COX7B2: variants seen among roughly 807,000 people sequenced by gnomAD.
COX7B2 encodes the protein cytochrome c oxidase subunit 7B2.
For missense variants in COX7B2, 109 were observed against 95.9 expected (o/e 1.14, Z -0.57); for synonymous variants, 37 against 32.1 (o/e 1.15, Z -0.51).
At chr4:46,754,201 T>A (rs61400121) in intron 2 of COX7B2, among the ~76,000 whole-genome samples, 47,959 of 151,650 alleles carry the variant, frequency 0.32, 7,910 homozygotes, top group South Asian at 0.47. Context: ...GACCCAGCCA[T>A]CCCATTACTA....
chr4:46,765,115 T>C (rs559339960), intron 2 of COX7B2, among the ~76,000 whole-genome samples: 32 of 151,810 alleles, frequency 2.1e-4, no homozygotes, highest in African/African-American at 7.7e-4. Context: ...CCAGCACTTG[T>C]CCACTCACAG....
chr4:46,755,685 G>A (rs1715747591), intron 2 of COX7B2, among the ~76,000 whole-genome samples: 1 of 151,828 alleles, frequency 6.6e-6, no homozygotes, highest in Non-Finnish European at 1.5e-5. Flanking sequence ...ATCTAGCTAA[G>A]GACCAAATCA....
intron 1 of COX7B2, among the ~76,000 whole-genome samples, chr4:46,859,296 A>G (rs185963302): frequency 3.0e-4 from 45 of 152,188 alleles, no homozygotes; most frequent in African/African-American, 9.6e-4. Context: ...ATTTCTCACA[A>G]TGTTGACTCA....
At chr4:46,863,945 T>G (rs1231771402) in intron 1 of COX7B2, among the ~76,000 whole-genome samples, 1 of 152,206 alleles carries the variant, frequency 6.6e-6, no homozygotes, top group African/African-American at 2.4e-5. Context: ...TTTAATTGGC[T>G]ATCGAAATCT....
chr4:46,792,563 T>C (rs1348383822), intron 2 of COX7B2, among the ~76,000 whole-genome samples: 1 of 152,210 alleles, frequency 6.6e-6, no homozygotes, highest in African/African-American at 2.4e-5. Flanking sequence ...AGGCTTACAC[T>C]ATCGGTGCTC....
chr4:46,759,887 TAA>T (rs1301581219), intron 2 of COX7B2, among the ~76,000 whole-genome samples: 3 of 149,886 alleles, frequency 2.0e-5, no homozygotes, highest in Admixed American at 6.7e-5. Flanking sequence ...ATATCTTATA[TAA>T]GTTATATAAG....
intron 2 of COX7B2, among the ~76,000 whole-genome samples, chr4:46,759,177 C>T (rs376196587): frequency 1.3e-4 from 19 of 151,720 alleles, no homozygotes; most frequent in South Asian, 8.3e-4. Flanking sequence ...TTAAAATCTA[C>T]GGAAAATGAG....
chr4:46,844,489 C>T (rs538357020), intron 2 of COX7B2, among the ~76,000 whole-genome samples: 4 of 152,032 alleles, frequency 2.6e-5, no homozygotes, highest in African/African-American at 9.6e-5. Context: ...GTCACGGAAG[C>T]ATATAAATAT....
rs545879314 is a variant in COX7B2 at position 46,864,740 on chromosome 4, G to A, written c.-104-19726C>T. 1.1e-4 allele frequency among the ~76,000 whole-genome samples: 16 copies of A among 152,090 alleles called. No homozygotes were observed. The East Asian group carries it at 3.1e-3, about 30-fold the overall frequency. On this transcript the variant is annotated intron_variant, in intron 1 of 2. Coordinates refer to ENST00000355591, the MANE Select transcript of COX7B2 (RefSeq NM_130902.3). Reference sequence around the variant, plus strand: ...GCTCACTGCAAGCTCCACCTCCCGGGTTCACGCCATTCTCCTGCCTCAGCC... The same window carrying A: ...GCTCACTGCAAGCTCCACCTCCCGGATTCACGCCATTCTCCTGCCTCAGCC...
chr4:46,813,954 A>G (rs1414602451), intron 2 of COX7B2, among the ~76,000 whole-genome samples: 2 of 152,226 alleles, frequency 1.3e-5, no homozygotes, highest in African/African-American at 2.4e-5. Flanking sequence ...GCTAATCCTC[A>G]GAGAAATGAA....
intron 1 of COX7B2, among the ~76,000 whole-genome samples, chr4:46,849,252 A>G (rs1716503796): frequency 1.3e-5 from 2 of 152,078 alleles, no homozygotes; most frequent in Admixed American, 1.3e-4. Flanking sequence ...TCAAGGCTAA[A>G]AGATTAAATC....
chr4:46,742,415 T>A (rs1714770641), intron 2 of COX7B2, among the ~76,000 whole-genome samples: 1 of 152,296 alleles, frequency 6.6e-6, no homozygotes, highest in East Asian at 1.9e-4. Context: ...CAGATGATGA[T>A]GCTCAAGTAG....
intron 2 of COX7B2, among the ~76,000 whole-genome samples, chr4:46,806,421 A>G (rs1322910590): frequency 6.6e-6 from 1 of 151,986 alleles, no homozygotes; most frequent in Non-Finnish European, 1.5e-5. Context: ...TTTATTTTAA[A>G]TAGATTTTGC....
chr4:46,813,701 A>T (rs142432375), intron 2 of COX7B2, among the ~76,000 whole-genome samples: 1,678 of 152,294 alleles, frequency 0.011, 20 homozygotes, highest in Middle Eastern at 0.041. Context: ...CTGCATGTGT[A>T]TCCCAGAACT....
intron 1 of COX7B2, among the ~76,000 whole-genome samples, chr4:46,873,302 A>C (rs574279155): frequency 1.1e-4 from 16 of 152,270 alleles, no homozygotes; most frequent in African/African-American, 3.4e-4. Flanking sequence ...ATGTGTCTTT[A>C]TAGTAGAATG....
At chr4:46,789,534 T>C (rs1168006161) in intron 2 of COX7B2, among the ~76,000 whole-genome samples, 1 of 152,204 alleles carries the variant, frequency 6.6e-6, no homozygotes, top group East Asian at 1.9e-4. Flanking sequence ...GAACTTCTAG[T>C]TGGCATATTA....
intron 2 of COX7B2, among the ~76,000 whole-genome samples, chr4:46,753,034 A>C (rs926105308): frequency 2.0e-5 from 3 of 152,106 alleles, no homozygotes; most frequent in African/African-American, 2.4e-5. Context: ...TCAGCTGTGA[A>C]TCCATCTGGT....
At chr4:46,872,123 A>G (rs371888066) in intron 1 of COX7B2, among the ~76,000 whole-genome samples, 3 of 152,214 alleles carry the variant, frequency 2.0e-5, no homozygotes, top group African/African-American at 7.2e-5. Context: ...TATATACACC[A>G]TGGAATACTA....
intron 1 of COX7B2, among the ~76,000 whole-genome samples, chr4:46,907,666 A>C (rs1720472967): frequency 6.6e-6 from 1 of 151,996 alleles, no homozygotes; most frequent in Admixed American, 6.6e-5. Flanking sequence ...CAAAGATCAA[A>C]AGTTATGACC....
Sources: gnomAD v4.1 joint callset for allele counts (sites outside exome capture counted in the v4.1 genomes callset) on GRCh38, gnomAD v4.1.1 for gene constraint, MANE v1.5 for transcripts, NCBI Gene and HGNC (gene_info 2026-07-23, HGNC 2026-07-21) for gene names.